The following METTL9 variants were observed in gnomAD, a reference collection of about 807,000 sequenced individuals.
The protein encoded by METTL9 is protein-L-histidine N-pros-methyltransferase.
In METTL9, 10 loss-of-function variants were observed where a neutral mutation model predicts 36.0. That is an observed-to-expected ratio of 0.28 (90% CI 0.17 to 0.47). METTL9 has a LOEUF of 0.47. METTL9 is among the 20% of genes least tolerant of loss of function. The pLI, the probability that METTL9 is intolerant of heterozygous loss-of-function variation, is 0.99. For missense variants in METTL9, 246 were observed against 383.5 expected, an observed-to-expected ratio of 0.64 and a Z score of 3.00; for synonymous variants, 175 against 149.7, an observed-to-expected ratio of 1.17 and a Z score of -1.23.
intron 4 of METTL9, chr16:21,652,398 T>G (rs1216180524): frequency 5.2e-6 from 3 of 580,636 alleles, no homozygotes; most frequent in African/African-American, 1.9e-5. Flanking sequence ...AAAAGGAAAC[T>G]TATCCTCTTA....
intron 4 of METTL9, chr16:21,646,643 G>A (rs1966436559): frequency 4.7e-6 from 1 of 213,672 alleles, no homozygotes; most frequent in Admixed American, 5.3e-5. Context: ...GGATGTTCGA[G>A]ATGGATTGGA....
At chr16:21,624,895 A>G in intron 3 of METTL9, 36 bp from the exon 4 acceptor site, 3 of 1,579,862 alleles carry the variant, frequency 1.9e-6, no homozygotes, top group Non-Finnish European at 2.6e-6. Context: ...CTTTAGAGGG[A>G]CTTTATGTTA....
chr16:21,613,708 G>A (rs1194942939), intron 2 of METTL9, among the ~76,000 whole-genome samples: 5 of 152,132 alleles, frequency 3.3e-5, no homozygotes, highest in African/African-American at 9.7e-5. Flanking sequence ...TGAGTGAAGA[G>A]TCCTGCATCT....
chr16:21,606,766 G>A (rs887585057), intron 1 of METTL9, among the ~76,000 whole-genome samples: 1 of 152,112 alleles, frequency 6.6e-6, no homozygotes, highest in African/African-American at 2.4e-5. Context: ...TCAGGAACCT[G>A]GGACAAAGAT....
At chr16:21,625,506 T>G (rs1181997127) in intron 4 of METTL9, among the ~76,000 whole-genome samples, 2 of 152,234 alleles carry the variant, frequency 1.3e-5, no homozygotes, top group African/African-American at 2.4e-5. Flanking sequence ...TGTTTTGTTT[T>G]CCGTTTTGCA....
intron 3 of METTL9, among the ~76,000 whole-genome samples, chr16:21,622,285 G>A (rs1965724440): frequency 6.6e-6 from 1 of 150,902 alleles, no homozygotes; most frequent in Admixed American, 6.6e-5. Context: ...GCTTAGCTAG[G>A]ACTACAGGTG....
At chr16:21,647,925 C>A (rs1257885858) in intron 4 of METTL9, among the ~76,000 whole-genome samples, 1 of 152,206 alleles carries the variant, frequency 6.6e-6, no homozygotes. Context: ...CCTGTGTCCC[C>A]AGACGAACGT....
chr16:21,599,881 A>C lies in METTL9; in HGVS notation c.148A>C (p.Arg50=), dbSNP rs749870474. The change falls in exon 1 of 5, where the codon AGG becomes CGG. Residue 50 remains arginine (R), a synonymous_variant. Coordinates refer to ENST00000358154, the MANE Select transcript of METTL9 (RefSeq NM_016025.5). This position sits in a 1 kb window ranked among gnomAD's most constrained non-coding sequence, Gnocchi z 4.4. The part of the protein sequence containing the change: ...PGGPAAAAGG[R]KENHQWYVCN... ...TGGGCCGGCGGCGGCCGCGGGCGGCAGGAAGGAGAACCACCAGGTACGGGC... is the reference window on the plus strand; with the variant it reads ...TGGGCCGGCGGCGGCCGCGGGCGGCCGGAAGGAGAACCACCAGGTACGGGC... 3.4e-6 allele frequency: 5 copies of C among 1,466,158 alleles called. No homozygotes were observed. In the South Asian group the frequency reaches 6.5e-5, roughly 19 times the overall value. 90.8% of individuals were successfully genotyped at this position (1,466,158 alleles called of 1,614,324 possible).
chr16:21,616,769 T>C lies in METTL9; in HGVS notation c.357-1096T>C, dbSNP rs140414958. 9.1e-4 allele frequency among the ~76,000 whole-genome samples: 139 copies of C among 152,338 alleles called. 1 individual carries two copies. Among genetic ancestry groups the C allele is most frequent in the East Asian group, 3.9e-4 (2 of 5,190 alleles). On this transcript the variant is annotated intron_variant, in intron 2 of 4. Coordinates refer to ENST00000358154, the MANE Select transcript of METTL9 (RefSeq NM_016025.5). ...TCTAGTGTCTCTTAAAAATCTGTTA[T>C]ACTAAAGCTCTTTTTTCCTGATCCA... is the stretch of plus-strand genomic sequence containing the variant.
chr16:21,599,556 G>A (rs1054258010), upstream of METTL9: 2 of 1,283,312 alleles, frequency 1.6e-6, no homozygotes, highest in Non-Finnish European at 2.0e-6. The surrounding 1 kb of genome is among the most constrained non-coding windows in gnomAD (Gnocchi z 4.4). Context: ...GGGAGGTGCC[G>A]AGGCTGCGCG....
At chr16:21,641,484 T>C in intron 4 of METTL9, 1 of 1,094,312 alleles carries the variant, frequency 9.1e-7, no homozygotes, top group Non-Finnish European at 1.4e-6. Context: ...AACACTGCCA[T>C]AGCTCCTGGA....
At chr16:21,637,243 C>T (rs185581206) in intron 4 of METTL9, among the ~76,000 whole-genome samples, 5 of 152,234 alleles carry the variant, frequency 3.3e-5, no homozygotes, top group East Asian at 1.9e-4. Flanking sequence ...AGCACTGATT[C>T]GTCCGTTTTG....
chr16:21,650,785 C>T (rs1349884752), intron 4 of METTL9, among the ~76,000 whole-genome samples: 1 of 152,158 alleles, frequency 6.6e-6, no homozygotes, highest in Non-Finnish European at 1.5e-5. Flanking sequence ...TTGGATATGT[C>T]ACACCACAGC....
At chr16:21,631,928 G>GTC (rs889649354) in intron 4 of METTL9, among the ~76,000 whole-genome samples, 68 of 151,762 alleles carry the variant, frequency 4.5e-4, no homozygotes, top group Non-Finnish European at 1.3e-4. Flanking sequence ...CTTTTTCTTT[G>GTC]TCTCTCTCTC....
At position 21,599,978 on chromosome 16, in the gene METTL9, G is replaced by T; in HGVS notation, c.165+80G>T. On this transcript the variant is annotated intron_variant, in intron 1 of 4. Coordinates refer to ENST00000358154, the MANE Select transcript of METTL9 (RefSeq NM_016025.5). The surrounding 1 kb of genome is among the most constrained non-coding windows in gnomAD (Gnocchi z 4.4). ...CTGGGCCCGGCTATTGTGCGGGACG[G>T]CTCCGCGAGGGGGCGGCCCGGCCCT... The T allele has an allele frequency of 4.4e-6, 5 of 1,149,406 alleles. No homozygotes were observed. The highest frequency in any genetic ancestry group is 5.4e-6 in the Non-Finnish European group (5 of 921,898). The allele number at this position is 1,149,406 out of a possible 1,614,324, so 71.2% of individuals were successfully genotyped here. A position where few individuals can be genotyped will look rare whatever the true frequency, so the allele number is the denominator to read the frequency against.
intron 4 of METTL9, chr16:21,644,221 T>G (rs534135904): frequency 5.3e-6 from 6 of 1,134,866 alleles, no homozygotes; most frequent in Admixed American, 1.8e-5. Context: ...TGTGGAGAGA[T>G]AGAAATTATT....
upstream of METTL9, among the ~76,000 whole-genome samples, chr16:21,598,167 G>A (rs1964994643): frequency 6.6e-6 from 1 of 152,082 alleles, no homozygotes; most frequent in Non-Finnish European, 1.5e-5. Context: ...TGGCCAACAT[G>A]GTGAAATCCC....
At chr16:21,606,527 C>A (rs1210413087) in intron 1 of METTL9, among the ~76,000 whole-genome samples, 1 of 152,020 alleles carries the variant, frequency 6.6e-6, no homozygotes, top group Non-Finnish European at 1.5e-5. Flanking sequence ...CTCCCAGGAC[C>A]CCATAGTTTA....
At chr16:21,654,059 T>TTTCTA (rs1491218334) in intron 4 of METTL9, 1 of 140,600 alleles carries the variant, frequency 7.1e-6, no homozygotes, top group African/African-American at 2.6e-5. Context: ...TTTTTTTTTT[T>TTTCTA]GAGACAGAGT....
Sources: allele counts gnomAD v4.1 joint callset (sites outside exome capture counted in the v4.1 genomes callset), GRCh38; gene constraint gnomAD v4.1.1; non-coding constraint Gnocchi (gnomAD v3.1); transcripts MANE v1.5; gene names NCBI Gene and HGNC (gene_info 2026-07-23, HGNC 2026-07-21).